Variants in TMC7 observed in about 807,000 individuals in gnomAD.
TMC7 encodes transmembrane channel-like protein 7.
Under a neutral mutation model 82.9 loss-of-function variants are expected in TMC7, and 54 were observed. The observed-to-expected ratio is 0.65, with a 90% CI of 0.52 to 0.82. The LOEUF (loss-of-function observed/expected upper bound fraction) is 0.82, where lower values mean the gene tolerates loss of function less well. Ranked by LOEUF, TMC7 falls within the 40% of genes least tolerant of loss-of-function variation. The pLI is 0.00. For synonymous variants in TMC7, 350 were observed against 337.9 expected, an observed-to-expected ratio of 1.04 and a Z score of -0.39; for missense variants, 820 against 901.2, an observed-to-expected ratio of 0.91 and a Z score of 1.15.
intron 1 of TMC7, among the ~76,000 whole-genome samples, chr16:18,989,246 G>T (rs539385316): frequency 6.6e-6 from 1 of 152,154 alleles, no homozygotes; most frequent in East Asian, 1.9e-4. Flanking sequence ...AGGCAGGTCT[G>T]GACAGAGCTG....
chr16:18,992,746 CTT>C (rs2038974612), intron 1 of TMC7, among the ~76,000 whole-genome samples: 1 of 152,150 alleles, frequency 6.6e-6, no homozygotes, highest in Non-Finnish European at 1.5e-5. Context: ...ACAGTTAAGT[CTT>C]TAATCCATCT....
At chr16:18,988,878 C>T (rs1039582831) in intron 1 of TMC7, among the ~76,000 whole-genome samples, 2 of 151,994 alleles carry the variant, frequency 1.3e-5, no homozygotes, top group Admixed American at 6.6e-5. Flanking sequence ...GGTGAAACCC[C>T]GTCTCTACTA....
At chr16:19,017,467 T>G (rs921854806) in intron 3 of TMC7, among the ~76,000 whole-genome samples, 2 of 151,202 alleles carry the variant, frequency 1.3e-5, no homozygotes, top group African/African-American at 4.8e-5. Context: ...TATTTTAAAA[T>G]GTTATACTTT....
intron 1 of TMC7, among the ~76,000 whole-genome samples, chr16:18,998,917 A>T (rs555451410): frequency 6.6e-6 from 1 of 152,226 alleles, no homozygotes; most frequent in East Asian, 1.9e-4. Flanking sequence ...AGTTGACGTG[A>T]GTCATGCAGT....
chr16:19,010,350 C>T (rs1418371765), intron 2 of TMC7, among the ~76,000 whole-genome samples: 2 of 151,968 alleles, frequency 1.3e-5, no homozygotes, highest in African/African-American at 4.8e-5. Flanking sequence ...GACAGGGTTT[C>T]ACCATGTTGG....
At chr16:19,004,137 G>C in intron 1 of TMC7, among the ~76,000 whole-genome samples, 1 of 152,034 alleles carries the variant, frequency 6.6e-6, no homozygotes, top group East Asian at 1.9e-4. Context: ...GCTGGGAAAA[G>C]TGTGTGTTAT....
At chr16:19,032,547 T>TA (rs199666328) in intron 6 of TMC7, among the ~76,000 whole-genome samples, 856 of 132,546 alleles carry the variant, frequency 6.5e-3, no homozygotes, top group African/African-American at 0.01. Context: ...TTGTAAATGA[T>TA]AAAAAAAAAA....
intron 8 of TMC7, 71 bp from the exon 9 acceptor site, chr16:19,040,218 T>G (rs1960948660): frequency 1.4e-6 from 2 of 1,435,252 alleles, no homozygotes; most frequent in African/African-American, 1.4e-5. Context: ...GTTGAGTTCT[T>G]TTTTGTTCTA....
At chr16:19,011,537 A>ATAAG in intron 2 of TMC7, among the ~76,000 whole-genome samples, 1 of 150,320 alleles carries the variant, frequency 6.7e-6, no homozygotes, top group Admixed American at 6.7e-5. Flanking sequence ...AAATAAATAA[A>ATAAG]TAAATAAATA....
At chr16:19,056,772 G>C in intron 14 of TMC7, 75 bp downstream of exon 14, 1 of 1,528,390 alleles carries the variant, frequency 6.5e-7, no homozygotes, top group Non-Finnish European at 8.9e-7. Flanking sequence ...TCGGGGCGGG[G>C]TCACCCTAGA....
Position 19,001,134 on chromosome 16 carries a change from C to T in TMC7, c.68-8038C>T, listed in dbSNP as rs1596725841. On this transcript the variant is annotated intron_variant, in intron 1 of 15. Transcript: ENST00000304381. Reference sequence around the variant, plus strand: ...TAAAATCTTTTACTCATTTTTTTGACACCCTTTCTTTCCTGGTATGTAAAG... The same window carrying T: ...TAAAATCTTTTACTCATTTTTTTGATACCCTTTCTTTCCTGGTATGTAAAG... 4.6e-5 allele frequency among the ~76,000 whole-genome samples: 7 copies of T among 152,276 alleles called. 1 individual carries two copies. The highest frequency in any genetic ancestry group is 4.6e-4 in the Admixed American group (7 of 15,272).
intron 5 of TMC7, among the ~76,000 whole-genome samples, chr16:19,029,606 C>A (rs946376350): frequency 2.6e-5 from 4 of 151,292 alleles, no homozygotes; most frequent in Non-Finnish European, 5.9e-5. Flanking sequence ...AACTCCTGGG[C>A]TCAAGTAATC....
At chr16:19,035,925 G>T in intron 7 of TMC7, 102 bp downstream of exon 7, 1 of 1,323,320 alleles carries the variant, frequency 7.6e-7, no homozygotes, top group Non-Finnish European at 1.0e-6. Context: ...TCGGGGACAG[G>T]TTGTCCCTGG....
At chr16:19,004,461 T>G (rs1455113121) in intron 1 of TMC7, among the ~76,000 whole-genome samples, 2 of 151,970 alleles carry the variant, frequency 1.3e-5, no homozygotes, top group African/African-American at 2.4e-5. Context: ...GCCTCCTGGC[T>G]TCAAGCAATT....
intron 1 of TMC7, 110 bp downstream of exon 1, chr16:18,984,240 A>G (rs12929133): frequency 0.34 from 462,520 of 1,344,626 alleles, 81,480 homozygotes; most frequent in African/African-American, 0.4. Flanking sequence ...CCCACCCCCG[A>G]CGCCGGGTGC....
rs777884038 is a variant in TMC7 at position 19,059,477 on chromosome 16, C to T, written c.2089C>T (p.Arg697Ter). 3.8e-5 allele frequency: 62 copies of T among 1,613,978 alleles called. No homozygotes were observed. In the Admixed American group the frequency reaches 4.3e-4, roughly 11 times the overall value. ...GAHKRVVIQLREQLSLESRDK... is the reference protein window; with the variant it reads ...GAHKRVVIQL ...ACACAAACGGGTGGTCATCCAGCTC[C>T]GAGAGCAGCTATCCCTGGTAAGGAA... Residue 697 changes from arginine to a stop codon, truncating the protein, a stop_gained, in exon 15 of 16, where the codon CGA (arginine) becomes TGA (stop). Coordinates refer to ENST00000304381, the MANE Select transcript of TMC7 (RefSeq NM_024847.4). LOFTEE classifies it high-confidence loss of function.
intron 1 of TMC7, among the ~76,000 whole-genome samples, chr16:18,991,209 G>A (rs1006334675): frequency 6.6e-6 from 1 of 152,166 alleles, no homozygotes; most frequent in Non-Finnish European, 1.5e-5. Flanking sequence ...TTGTCATATA[G>A]AATTATTGGT....
intron 3 of TMC7, among the ~76,000 whole-genome samples, chr16:19,018,360 T>TC (rs1309573652): frequency 6.6e-6 from 1 of 152,192 alleles, no homozygotes; most frequent in East Asian, 1.9e-4. Context: ...AACTTTTTTT[T>TC]CTCATAGTTT....
intron 1 of TMC7, among the ~76,000 whole-genome samples, chr16:18,998,418 AACTGCCCC>A (rs2039081837): frequency 6.6e-6 from 1 of 152,166 alleles, no homozygotes; most frequent in Non-Finnish European, 1.5e-5. Flanking sequence ...GAATTGCAGT[AACTGCCCC>A]ACAGACCCCT....
Sources: allele counts gnomAD v4.1 joint callset (sites outside exome capture counted in the v4.1 genomes callset), GRCh38; gene constraint gnomAD v4.1.1; transcripts MANE v1.5; gene names NCBI Gene and HGNC (gene_info 2026-07-23, HGNC 2026-07-21).